Variants in LINGO1 observed in about 807,000 individuals in gnomAD.
LINGO1 encodes leucine-rich repeat and immunoglobulin-like domain-containing nogo receptor-interacting protein 1.
LINGO1 carries 11 observed loss-of-function variants against 37.3 expected under a neutral mutation model. The observed-to-expected ratio is 0.29, with a 90% CI of 0.19 to 0.49. LINGO1 has a LOEUF of 0.49. Ranked by LOEUF, LINGO1 falls within the 20% of genes least tolerant of loss-of-function variation. LINGO1 has a pLI of 0.99. For synonymous variants in LINGO1, 387 were observed against 403.0 expected (o/e 0.96, Z 0.48); for missense variants, 585 against 878.2 (o/e 0.67, Z 4.22).
At chr15:77,730,214 C>T (rs903268284) in intron 2 of LINGO1, among the ~76,000 whole-genome samples, 11 of 152,110 alleles carry the variant, frequency 7.2e-5, no homozygotes, top group African/African-American at 2.7e-4. Flanking sequence ...ACAACTTTGA[C>T]TAGAATTTAC....
chr15:77,774,181 G>C (rs2076613670), intron 1 of LINGO1, among the ~76,000 whole-genome samples: 1 of 152,128 alleles, frequency 6.6e-6, no homozygotes, highest in African/African-American at 2.4e-5. Context: ...AGCCTAGAGG[G>C]TGGTGAGTGT....
intron 1 of LINGO1, among the ~76,000 whole-genome samples, chr15:77,771,982 A>C (rs1476632184): frequency 7.2e-5 from 11 of 152,294 alleles, no homozygotes; most frequent in Admixed American, 3.9e-4. Flanking sequence ...CATTGGAGGG[A>C]TCACTCTCTG....
chr15:77,667,892 G>A (rs1247463487), intron 3 of LINGO1: 1 of 152,266 alleles, frequency 6.6e-6, no homozygotes, highest in African/African-American at 2.4e-5. Context: ...ATGAAACCAG[G>A]ACCCATTTCC....
intron 2 of LINGO1, among the ~76,000 whole-genome samples, chr15:77,688,933 A>C (rs2075557050): frequency 6.6e-6 from 1 of 152,236 alleles, no homozygotes; most frequent in Non-Finnish European, 1.5e-5. Flanking sequence ...TGACTAGCAG[A>C]GTATGAATGA....
chr15:77,682,951 C>G (rs376987670), intron 2 of LINGO1, among the ~76,000 whole-genome samples: 2 of 152,194 alleles, frequency 1.3e-5, no homozygotes, highest in Non-Finnish European at 2.9e-5. Flanking sequence ...AAAAGACAAA[C>G]AGCAGACTAG....
chr15:77,759,981 G>A (rs1474570114), intron 1 of LINGO1, among the ~76,000 whole-genome samples: 3 of 152,240 alleles, frequency 2.0e-5, no homozygotes, highest in African/African-American at 7.2e-5. Context: ...GGGAGGGGAT[G>A]TGGCCCGGAA....
At chr15:77,712,410 C>G (rs888234008) in intron 2 of LINGO1, among the ~76,000 whole-genome samples, 2 of 152,166 alleles carry the variant, frequency 1.3e-5, no homozygotes, top group African/African-American at 4.8e-5. Flanking sequence ...ATCTTGCCCC[C>G]CTCCCCCTAA....
chr15:77,751,790 G>A (rs150627841), intron 1 of LINGO1, among the ~76,000 whole-genome samples: 20 of 152,308 alleles, frequency 1.3e-4, no homozygotes, highest in African/African-American at 2.9e-4. Flanking sequence ...ACCCTTCTAC[G>A]GGCTCAGACG....
At chr15:77,678,551 T>C (rs144374085) in intron 2 of LINGO1, among the ~76,000 whole-genome samples, 1 of 152,322 alleles carries the variant, frequency 6.6e-6, no homozygotes, top group East Asian at 1.9e-4. Flanking sequence ...CTCCGTTGTT[T>C]ATCCATTCAG....
intron 1 of LINGO1, among the ~76,000 whole-genome samples, chr15:77,627,757 C>T (rs983134767): frequency 6.6e-6 from 1 of 152,192 alleles, no homozygotes; most frequent in South Asian, 2.1e-4. Flanking sequence ...TTTGTTTGCA[C>T]TAAACATGCA....
At chr15:77,797,084 T>C (rs1211247125) in intron 1 of LINGO1, among the ~76,000 whole-genome samples, 5 of 152,172 alleles carry the variant, frequency 3.3e-5, no homozygotes, top group African/African-American at 9.7e-5. Context: ...GGGAGGGCGC[T>C]AGGAAGTTCT....
upstream of LINGO1, among the ~76,000 whole-genome samples, chr15:77,696,848 A>C (rs939343159): frequency 6.6e-6 from 1 of 152,206 alleles, no homozygotes; most frequent in African/African-American, 2.4e-5. Flanking sequence ...CCCAATTTGC[A>C]GGCTTAGAGT....
chr15:77,623,869 G>C (rs1391685773), intron 1 of LINGO1, among the ~76,000 whole-genome samples: 1 of 149,644 alleles, frequency 6.7e-6, no homozygotes, highest in South Asian at 2.1e-4. Flanking sequence ...GTGTGTGTGT[G>C]TGTGTGTCTG....
intron 3 of LINGO1, among the ~76,000 whole-genome samples, chr15:77,661,178 C>A (rs1020162113): frequency 6.6e-6 from 1 of 152,154 alleles, no homozygotes; most frequent in East Asian, 1.9e-4. Flanking sequence ...AGGGACAGTG[C>A]CTGAGCCCCC....
chr15:77,782,300 C>T (rs1023293482), intron 1 of LINGO1, among the ~76,000 whole-genome samples: 2 of 152,120 alleles, frequency 1.3e-5, no homozygotes, highest in African/African-American at 2.4e-5. Flanking sequence ...TCCCACTCCC[C>T]GAGTTTTCCT....
intron 2 of LINGO1, among the ~76,000 whole-genome samples, chr15:77,678,007 G>A (rs756334832): frequency 6.6e-6 from 1 of 152,180 alleles, no homozygotes; most frequent in African/African-American, 2.4e-5. Context: ...ACAGCCACCT[G>A]CCACCTCCTC....
chr15:77,794,153 T>G (rs533205597), intron 2 of LINGO1, among the ~76,000 whole-genome samples: 3 of 152,036 alleles, frequency 2.0e-5, no homozygotes, highest in Non-Finnish European at 4.4e-5. Context: ...GTCACCCCAG[T>G]TGCTGCACAG....
At chr15:77,709,513 C>T (rs1343227206) in intron 2 of LINGO1, among the ~76,000 whole-genome samples, 1 of 152,256 alleles carries the variant, frequency 6.6e-6, no homozygotes. Context: ...CAGTTTGGGG[C>T]TGGTTCAGGC....
chr15:77,677,808 T>TTCCTCCC lies in LINGO1; in HGVS notation c.-98-641_-98-635dup, dbSNP rs1159870681. 3.3e-5 allele frequency among the ~76,000 whole-genome samples: 5 copies of TTCCTCCC among 152,138 alleles called. No homozygotes were observed. In the East Asian group the frequency reaches 9.7e-4, roughly 29 times the overall value. On this transcript the variant is annotated intron_variant, in intron 2 of 3. Transcript: ENST00000559893. ...GACATGGCCACAGGTGCTGTCTCCC[T>TTCCTCCC]TCCTCCCTCCTCCCTCCACCCTCCT...
Sources: gnomAD v4.1 joint callset for allele counts (sites outside exome capture counted in the v4.1 genomes callset) on GRCh38, gnomAD v4.1.1 for gene constraint, MANE v1.5 for transcripts, NCBI Gene and HGNC (gene_info 2026-07-23, HGNC 2026-07-21) for gene names.